Variants in GUCY1A1 observed in about 807,000 individuals in gnomAD.
GUCY1A1 encodes guanylate cyclase 1 soluble subunit alpha 1, also known as guanylate cyclase soluble subunit alpha-1.
In GUCY1A1, 48 loss-of-function variants were observed where a neutral mutation model predicts 64.5. That is an observed-to-expected ratio of 0.74 (90% CI 0.59 to 0.95). GUCY1A1 has a LOEUF of 0.95. GUCY1A1 is among the 40% of genes least tolerant of loss of function. The pLI is 0.00. For synonymous variants in GUCY1A1, 308 were observed against 303.4 expected, an observed-to-expected ratio of 1.02 and a Z score of -0.16; for missense variants, 804 against 825.3, an observed-to-expected ratio of 0.97 and a Z score of 0.32.
At chr4:155,715,555 C>A (rs1733122619) in intron 7 of GUCY1A1, among the ~76,000 whole-genome samples, 1 of 152,136 alleles carries the variant, frequency 6.6e-6, no homozygotes, top group South Asian at 2.1e-4. Context: ...TGGACCAATG[C>A]CAGATTTCCA....
In GUCY1A1 at chr4:155,710,837, C is replaced by G; in HGVS notation, c.672C>G (p.His224Gln). 1.2e-6 allele frequency: 2 copies of G among 1,614,060 alleles called. No homozygotes were observed. ...CCGGCATCATAAAGGCAGCTGCTCA[C>G]GTATTATATGAAACGGAAGTGGAAG... ...ILPGIIKAAA[H>Q]VLYETEVEVS... Residue 224 changes from histidine to glutamine, a missense_variant, in exon 6 of 10, where the codon CAC becomes CAG. His to Gln is a conservative substitution (Grantham distance 24, BLOSUM62 0). Coordinates refer to ENST00000506455, the MANE Select transcript of GUCY1A1 (RefSeq NM_001130682.3).
intron 2 of GUCY1A1, chr4:155,667,763 C>A (rs2126454039): frequency 6.6e-6 from 1 of 151,548 alleles, no homozygotes; most frequent in South Asian, 2.1e-4. Flanking sequence ...TCTCCCACGG[C>A]CAGGGCGCCT....
chr4:155,676,346 T>A (rs1190732495), intron 2 of GUCY1A1, among the ~76,000 whole-genome samples: 1 of 150,620 alleles, frequency 6.6e-6, no homozygotes, highest in Non-Finnish European at 1.5e-5. Flanking sequence ...ATTAGTTTTC[T>A]TCATTCCTGG....
intron 7 of GUCY1A1, among the ~76,000 whole-genome samples, chr4:155,716,750 AT>A (rs1181108517): frequency 2.0e-5 from 3 of 152,182 alleles, no homozygotes; most frequent in African/African-American, 7.2e-5. Context: ...TTGAGGCAAA[AT>A]ACTATTTTAT....
intron 2 of GUCY1A1, among the ~76,000 whole-genome samples, chr4:155,690,999 A>T (rs529488492): frequency 6.6e-6 from 1 of 152,348 alleles, no homozygotes; most frequent in South Asian, 2.1e-4. Flanking sequence ...AATCTATTGG[A>T]ATCAAAATTA....
At chr4:155,673,601 A>C (rs1734444684) in intron 2 of GUCY1A1, among the ~76,000 whole-genome samples, 1 of 151,394 alleles carries the variant, frequency 6.6e-6, no homozygotes, top group African/African-American at 2.5e-5. Context: ...AGGAAAGGAA[A>C]GGATTCACTG....
At position 155,734,150 on chromosome 4, in the gene GUCY1A1, G is replaced by A. The variant is rs1267077057; in HGVS notation, c.*3919G>A. Among the ~76,000 whole-genome samples the A allele has an allele frequency of 1.3e-5, 2 of 152,054 alleles. No homozygotes were observed. Among genetic ancestry groups the A allele is most frequent in the South Asian group, 2.1e-4 (1 of 4,820 alleles). ...GGTTAAAAGAAGGCATAGGATGGAA[G>A]AGGGTGGTCTGTGGTAGGCCTAGCA... On this transcript the variant is annotated 3_prime_UTR_variant, in exon 10 of 10. Coordinates refer to ENST00000506455, the MANE Select transcript of GUCY1A1 (RefSeq NM_001130682.3).
chr4:155,715,649 G>A (rs975185726), intron 7 of GUCY1A1, among the ~76,000 whole-genome samples: 1 of 152,160 alleles, frequency 6.6e-6, no homozygotes, highest in African/African-American at 2.4e-5. Context: ...AGGGGTGGGT[G>A]TAGGACTTCT....
chr4:155,708,426 G>C, intron 5 of GUCY1A1, 132 bp downstream of exon 5: 1 of 549,168 alleles, frequency 1.8e-6, no homozygotes. Flanking sequence ...TTCTGTTAAC[G>C]TAAAGAGTAA....
Position 155,730,203 on chromosome 4 carries a change from T to G in GUCY1A1, c.2045T>G (p.Phe682Cys), listed in dbSNP as rs761452497. 2.9e-5 allele frequency: 46 copies of G among 1,610,392 alleles called. No homozygotes were observed. Among genetic ancestry groups the G allele is most frequent in the Non-Finnish European group, 3.7e-5 (44 of 1,177,292 alleles). Reference protein sequence around the residue: ...KKDVEDGNANFLGKASGID With the variant: ...KKDVEDGNANCLGKASGID ...GATGTGGAAGATGGCAATGCCAATT[T>G]TTTAGGCAAAGCATCAGGAATAGAT... The change falls in exon 10 of 10, where the codon TTT (phenylalanine) becomes TGT (cysteine). Residue 682 changes from phenylalanine to cysteine, a missense_variant. By Grantham distance (205) the Phe-to-Cys change is radical. Coordinates refer to ENST00000506455, the MANE Select transcript of GUCY1A1 (RefSeq NM_001130682.3).
chr4:155,705,593 C>T (rs1285652537), intron 4 of GUCY1A1, among the ~76,000 whole-genome samples: 1 of 149,396 alleles, frequency 6.7e-6, no homozygotes, highest in Non-Finnish European at 1.5e-5. Context: ...CCTGAAATTT[C>T]AAGGTTTATT....
intron 2 of GUCY1A1, among the ~76,000 whole-genome samples, chr4:155,695,765 GTACT>G (rs1257479347): frequency 1.3e-5 from 2 of 152,292 alleles, no homozygotes; most frequent in East Asian, 3.9e-4. Flanking sequence ...CAGGCACATA[GTACT>G]TAGTACATGT....
intron 4 of GUCY1A1, among the ~76,000 whole-genome samples, chr4:155,705,659 G>A (rs981682269): frequency 6.6e-6 from 1 of 151,962 alleles, no homozygotes; most frequent in African/African-American, 2.4e-5. Context: ...ACTGAACATT[G>A]GAGTTTTACA....
At chr4:155,700,691 A>G (rs1730967810) in intron 3 of GUCY1A1, among the ~76,000 whole-genome samples, 1 of 152,188 alleles carries the variant, frequency 6.6e-6, no homozygotes, top group Non-Finnish European at 1.5e-5. Flanking sequence ...CCCTCTGTGA[A>G]TCAGAAAGTC....
In GUCY1A1 at chr4:155,674,723, T is replaced by A. The variant is rs1175162694; in HGVS notation, c.-113+7304T>A. 2.0e-5 allele frequency among the ~76,000 whole-genome samples: 3 copies of A among 151,560 alleles called. No homozygotes were observed. The East Asian group carries it at 5.8e-4, about 29-fold the overall frequency. On this transcript the variant is annotated intron_variant, in intron 2 of 9. Transcript: ENST00000506455. ...GCATGGAACAGTCCTCGCCTATGAATACAATGCCTTCTTCTGGAATACCTT... is the reference window on the plus strand; with the variant it reads ...GCATGGAACAGTCCTCGCCTATGAAAACAATGCCTTCTTCTGGAATACCTT...
At chr4:155,728,878 T>TA (rs1313603664) in intron 9 of GUCY1A1, among the ~76,000 whole-genome samples, 1 of 151,940 alleles carries the variant, frequency 6.6e-6, no homozygotes, top group Non-Finnish European at 1.5e-5. Context: ...CTTATACTTT[T>TA]AATACTGTCT....
chr4:155,719,836 T>A (rs987704920), intron 8 of GUCY1A1, among the ~76,000 whole-genome samples: 2 of 152,150 alleles, frequency 1.3e-5, no homozygotes, highest in African/African-American at 4.8e-5. Flanking sequence ...AAATGGGCTA[T>A]GCCACAAGTG....
chr4:155,685,721 A>T (rs186683823), intron 2 of GUCY1A1, among the ~76,000 whole-genome samples: 125 of 148,904 alleles, frequency 8.4e-4, no homozygotes, highest in Non-Finnish European at 1.4e-3. Context: ...CATTGCATAG[A>T]TGTCTTAATT....
At chr4:155,689,792 G>C (rs149412037) in intron 2 of GUCY1A1, among the ~76,000 whole-genome samples, 1 of 152,162 alleles carries the variant, frequency 6.6e-6, no homozygotes, top group African/African-American at 2.4e-5. Flanking sequence ...CCGGCGAGTC[G>C]GGGGGCAGGG....
Sources: allele counts gnomAD v4.1 joint callset (sites outside exome capture counted in the v4.1 genomes callset), GRCh38; gene constraint gnomAD v4.1.1; transcripts MANE v1.5; gene names NCBI Gene and HGNC (gene_info 2026-07-23, HGNC 2026-07-21).